LCA5: variants seen among roughly 807,000 people sequenced by gnomAD.
The protein encoded by LCA5 is lebercilin LCA5.
LCA5 carries 37 observed loss-of-function variants against 53.0 expected under a neutral mutation model. That is an observed-to-expected ratio of 0.70 (90% CI 0.54 to 0.92). The LOEUF is 0.92. LCA5 is among the 40% of genes least tolerant of loss of function. The pLI is 0.00. For synonymous variants in LCA5, 303 were observed against 282.9 expected (o/e 1.07, Z -0.71); for missense variants, 806 against 790.5 (o/e 1.02, Z -0.23).
intron 3 of LCA5, among the ~76,000 whole-genome samples, chr6:79,502,082 TGATA>T (rs1770155923): frequency 6.6e-6 from 1 of 152,136 alleles, no homozygotes; most frequent in African/African-American, 2.4e-5. Flanking sequence ...GCTCACTGAT[TGATA>T]ATTTCTAACA....
intron 3 of LCA5, among the ~76,000 whole-genome samples, chr6:79,512,334 C>G (rs1766243368): frequency 6.6e-6 from 1 of 152,008 alleles, no homozygotes; most frequent in Non-Finnish European, 1.5e-5. Flanking sequence ...AAAAAAATAG[C>G]CGCTTTTTCT....
chr6:79,501,791 C>G (rs1448201828), intron 3 of LCA5, among the ~76,000 whole-genome samples: 2 of 150,648 alleles, frequency 1.3e-5, no homozygotes, highest in Non-Finnish European at 3.0e-5. Context: ...ATAGTTCTCT[C>G]TATATAATAT....
chr6:79,529,060 A>G (rs960494104), intron 1 of LCA5, among the ~76,000 whole-genome samples: 5 of 152,166 alleles, frequency 3.3e-5, no homozygotes, highest in East Asian at 1.9e-4. Flanking sequence ...TACATCTCTC[A>G]TAACTGTGGC....
At chr6:79,529,527 T>A (rs1766892433) in intron 1 of LCA5, among the ~76,000 whole-genome samples, 1 of 151,976 alleles carries the variant, frequency 6.6e-6, no homozygotes, top group African/African-American at 2.4e-5. Flanking sequence ...GGAGATGGGG[T>A]AATCCATCAG....
At chr6:79,520,622 G>C (rs1445146573) in intron 1 of LCA5, among the ~76,000 whole-genome samples, 1 of 152,092 alleles carries the variant, frequency 6.6e-6, no homozygotes, top group Non-Finnish European at 1.5e-5. Flanking sequence ...CATATGAAAG[G>C]ACATGCACAA....
intron 3 of LCA5, among the ~76,000 whole-genome samples, chr6:79,512,311 C>A (rs1766242625): frequency 6.6e-6 from 1 of 151,866 alleles, no homozygotes; most frequent in African/African-American, 2.4e-5. Context: ...ACAATAGTTG[C>A]AAATTTTGGA....
chr6:79,491,819 T>A, intron 5 of LCA5, 89 bp from the exon 6 acceptor site: 18 of 1,093,488 alleles, frequency 1.6e-5, no homozygotes, highest in Non-Finnish European at 2.5e-5. Flanking sequence ...TATATATGCA[T>A]GTGTGTTTGC....
intron 1 of LCA5, among the ~76,000 whole-genome samples, chr6:79,520,606 T>TA (rs1351454844): frequency 6.6e-6 from 1 of 152,196 alleles, no homozygotes; most frequent in Non-Finnish European, 1.5e-5. Context: ...GTTCTTCTAG[T>TA]AATAACATAT....
In LCA5 at chr6:79,492,631, A is replaced by T; in HGVS notation, c.875T>A (p.Leu292Gln). ...ATTAGAATATATATTTTTTATATCC[A>T]GTTCTCTCTCCTTTTCCTGAAAACA... ...YHKLKEKERE[L>Q]DIKNIYSNRL... The change falls in exon 5 of 8, where the codon CTG becomes CAG. Residue 292 changes from leucine (L) to glutamine (Q), a missense_variant. Physicochemically the swap from Leu to Gln is moderately radical, Grantham distance 113. Coordinates refer to ENST00000369846, the MANE Select transcript of LCA5 (RefSeq NM_001122769.3). The T allele has an allele frequency of 1.3e-6, 2 of 1,537,478 alleles. No homozygotes were observed. The highest frequency in any genetic ancestry group is 1.8e-6 in the Non-Finnish European group (2 of 1,119,434).
At chr6:79,501,934 G>T (rs879562561) in intron 3 of LCA5, among the ~76,000 whole-genome samples, 1 of 151,806 alleles carries the variant, frequency 6.6e-6, no homozygotes, top group Non-Finnish European at 1.5e-5. Context: ...ACACATAGGA[G>T]AATATAGTAG....
chr6:79,505,501 G>C (rs772947866), intron 3 of LCA5, among the ~76,000 whole-genome samples: 1 of 152,044 alleles, frequency 6.6e-6, no homozygotes, highest in Admixed American at 6.6e-5. Flanking sequence ...CATATGAAAG[G>C]TTTGAAAGTA....
At chr6:79,506,024 A>G (rs1364187163) in intron 3 of LCA5, among the ~76,000 whole-genome samples, 1 of 152,126 alleles carries the variant, frequency 6.6e-6, no homozygotes, top group Non-Finnish European at 1.5e-5. Context: ...CACTTATAAT[A>G]CACCTACTCG....
intron 6 of LCA5, among the ~76,000 whole-genome samples, 175 bp from the exon 7 acceptor site, chr6:79,489,391 G>A (rs1006197339): frequency 3.9e-5 from 6 of 151,920 alleles, no homozygotes; most frequent in African/African-American, 9.7e-5. Flanking sequence ...CTTCAAAACC[G>A]CACAGGATTA....
At chr6:79,531,668 AT>A in intron 1 of LCA5, among the ~76,000 whole-genome samples, 1 of 152,050 alleles carries the variant, frequency 6.6e-6, no homozygotes, top group South Asian at 2.1e-4. Flanking sequence ...CCATCAGCCA[AT>A]TTTCTGTCGT....
At chr6:79,489,593 A>C (rs936692267) in intron 6 of LCA5, among the ~76,000 whole-genome samples, 3 of 152,160 alleles carry the variant, frequency 2.0e-5, no homozygotes, top group Non-Finnish European at 4.4e-5. Context: ...GCATCAAGTG[A>C]GATGCTGTTG....
rs1362863507 is a variant in LCA5 at position 79,504,045 on chromosome 6, A to G, written c.720+9167T>C. ...AAACAAAAAATGTAAATGCTCTAGA[A>G]TTTCCTGGAATGATAATAACCACAA... is the stretch of plus-strand genomic sequence containing the variant. On this transcript the variant is annotated intron_variant, in intron 3 of 7. Coordinates refer to ENST00000369846, the MANE Select transcript of LCA5 (RefSeq NM_001122769.3). 2.6e-5 allele frequency among the ~76,000 whole-genome samples: 4 copies of G among 152,322 alleles called. No individual in the cohort carries two copies. The East Asian group carries it at 7.7e-4, about 29-fold the overall frequency.
In LCA5 at chr6:79,519,031, A is replaced by G. The variant is rs903776543; in HGVS notation, c.-137T>C. On this transcript the variant is annotated 5_prime_UTR_variant, in exon 2 of 8. Coordinates refer to ENST00000369846, the MANE Select transcript of LCA5 (RefSeq NM_001122769.3). ...TTTCTGTGCAATCTATTTTCTCCACAATGTATTTGTAGACCACAATTCACA... is the reference window on the plus strand; with the variant it reads ...TTTCTGTGCAATCTATTTTCTCCACGATGTATTTGTAGACCACAATTCACA... The G allele has an allele frequency of 3.1e-6, 3 of 957,736 alleles. No homozygotes were observed. Among genetic ancestry groups the G allele is most frequent in the Admixed American group, 1.7e-5 (1 of 57,150 alleles). The allele number at this position is 957,736 out of a possible 1,614,324, so 59.3% of individuals were successfully genotyped here.
In LCA5 at chr6:79,502,784, A is replaced by G. The variant is rs374178430; in HGVS notation, c.721-9034T>C. On this transcript the variant is annotated intron_variant, in intron 3 of 7. Transcript: ENST00000369846. ...GTGATAAAATTCCAAGGATTTTACTAAAATGGTAACAAATTAATAGAGCAA... is the reference window on the plus strand; with the variant it reads ...GTGATAAAATTCCAAGGATTTTACTGAAATGGTAACAAATTAATAGAGCAA... Among the ~76,000 whole-genome samples, 88 of 152,338 alleles carry G rather than the reference A, an allele frequency of 5.8e-4. 1 individual carries two copies. The East Asian group carries it at 8.7e-3, about 15-fold the overall frequency.
Position 79,487,259 on chromosome 6 carries a change from A to G in LCA5, c.1839T>C (p.Gly613=). ...TGCTTTTGGAGGAAATGGTGCTGCTACCACTGGCACCAAATAACTGTTCCA... is the reference window on the plus strand; with the variant it reads ...TGCTTTTGGAGGAAATGGTGCTGCTGCCACTGGCACCAAATAACTGTTCCA... ...NLMEQLFGAS[G]SSTISSKSSD... is the part of the protein sequence containing the mutation. The change falls in exon 8 of 8, where the codon GGT becomes GGC. Residue 613 remains glycine, a synonymous_variant. Transcript: ENST00000369846. 6.2e-7 allele frequency: 1 copy of G among 1,614,098 alleles called. No individual in the cohort carries two copies. Among genetic ancestry groups the G allele is most frequent in the Non-Finnish European group, 8.5e-7 (1 of 1,179,956 alleles).
Sources: gnomAD v4.1 joint callset for allele counts (sites outside exome capture counted in the v4.1 genomes callset) on GRCh38, gnomAD v4.1.1 for gene constraint, MANE v1.5 for transcripts, NCBI Gene and HGNC (gene_info 2026-07-23, HGNC 2026-07-21) for gene names.